TBC1D12: variants seen among roughly 807,000 people sequenced by gnomAD.
TBC1D12 encodes TBC1 domain family, member 12.
In TBC1D12, 56 loss-of-function variants were observed where a neutral mutation model predicts 86.7. That is an observed-to-expected ratio of 0.65 (90% CI 0.52 to 0.81). The LOEUF is 0.81. Among genes scored for constraint, TBC1D12 ranks in the 30% least tolerant of loss-of-function variants. The pLI is 0.00. For synonymous variants in TBC1D12, 421 were observed against 411.7 expected (o/e 1.02, Z -0.27); for missense variants, 1,023 against 1,038.8 (o/e 0.98, Z 0.21).
intron 9 of TBC1D12, among the ~76,000 whole-genome samples, chr10:94,517,725 G>C (rs1842036274): frequency 6.6e-6 from 1 of 152,134 alleles, no homozygotes; most frequent in South Asian, 2.1e-4. Context: ...GTCATGATTT[G>C]ACAAAATACG....
intron 3 of TBC1D12, among the ~76,000 whole-genome samples, chr10:94,490,409 A>G: frequency 6.6e-6 from 1 of 152,220 alleles, no homozygotes; most frequent in Non-Finnish European, 1.5e-5. Flanking sequence ...TATTTGCAAA[A>G]TGTAATAAAG....
At chr10:94,424,968 T>C (rs2134067375) in intron 1 of TBC1D12, among the ~76,000 whole-genome samples, 1 of 152,130 alleles carries the variant, frequency 6.6e-6, no homozygotes, top group Non-Finnish European at 1.5e-5. Flanking sequence ...CAACAGGAGG[T>C]CCACCTTGAG....
At chr10:94,422,475 A>G (rs1304011531) in intron 1 of TBC1D12, among the ~76,000 whole-genome samples, 1 of 152,160 alleles carries the variant, frequency 6.6e-6, no homozygotes, top group Non-Finnish European at 1.5e-5. Flanking sequence ...GGCGTGAGCC[A>G]CCACGCCCGG....
intron 5 of TBC1D12, among the ~76,000 whole-genome samples, chr10:94,498,109 G>A (rs564423234): frequency 1.3e-5 from 2 of 152,058 alleles, no homozygotes; most frequent in Non-Finnish European, 2.9e-5. Context: ...GTGAGCCACC[G>A]TGCCCGGCCT....
At chr10:94,426,702 G>A (rs545360008) in intron 1 of TBC1D12, among the ~76,000 whole-genome samples, 8 of 152,010 alleles carry the variant, frequency 5.3e-5, no homozygotes, top group African/African-American at 9.6e-5. Context: ...TCAGCCTCCC[G>A]AGTAGCTGGG....
intron 11 of TBC1D12, among the ~76,000 whole-genome samples, chr10:94,529,020 T>A (rs1047232966): frequency 2.0e-5 from 3 of 151,928 alleles, no homozygotes; most frequent in Non-Finnish European, 4.4e-5. Context: ...TTTTTTTTTT[T>A]AATTTTTTTG....
At chr10:94,417,575 C>A (rs748081453) in intron 1 of TBC1D12, among the ~76,000 whole-genome samples, 1 of 152,016 alleles carries the variant, frequency 6.6e-6, no homozygotes, top group Non-Finnish European at 1.5e-5. Flanking sequence ...AGGAAAAACC[C>A]TGGAGGTGTA....
At chr10:94,519,933 T>C (rs144646723) in intron 9 of TBC1D12, among the ~76,000 whole-genome samples, 94 of 152,296 alleles carry the variant, frequency 6.2e-4, no homozygotes, top group Non-Finnish European at 1.1e-3. Flanking sequence ...CAGCAACATA[T>C]TCATAGCTTC....
At chr10:94,496,736 A>G (rs2056326169) in intron 4 of TBC1D12, among the ~76,000 whole-genome samples, 1 of 152,194 alleles carries the variant, frequency 6.6e-6, no homozygotes, top group Admixed American at 6.5e-5. Flanking sequence ...GGTGGCACAC[A>G]TGTGTAGTCC....
In TBC1D12 at chr10:94,471,482, G is replaced by A. The variant is rs1315727081; in HGVS notation, c.1096-3186G>A. Among the ~76,000 whole-genome samples the A allele has an allele frequency of 2.0e-5, 3 of 152,172 alleles. No homozygotes were observed. In the East Asian group the frequency reaches 5.8e-4, roughly 29 times the overall value. Reference sequence around the variant, plus strand: ...GTCCAAATATTTTAGCCAGTGAAAGGCCCTGTAATTTAACCCACACCTTTC... The same window carrying A: ...GTCCAAATATTTTAGCCAGTGAAAGACCCTGTAATTTAACCCACACCTTTC... On this transcript the variant is annotated intron_variant, in intron 2 of 12. Coordinates refer to ENST00000225235, the MANE Select transcript of TBC1D12 (RefSeq NM_015188.2).
At chr10:94,500,650 A>G (rs558870651) in intron 6 of TBC1D12, among the ~76,000 whole-genome samples, 2 of 152,360 alleles carry the variant, frequency 1.3e-5, no homozygotes, top group South Asian at 4.1e-4. Flanking sequence ...AAAATAGTCA[A>G]TTATGAAAAG....
intron 1 of TBC1D12, among the ~76,000 whole-genome samples, chr10:94,439,050 C>T (rs1024908605): frequency 1.3e-5 from 2 of 151,938 alleles, no homozygotes; most frequent in Non-Finnish European, 2.9e-5. Flanking sequence ...GTGATCCACC[C>T]GCCTCAGCCT....
In TBC1D12 at chr10:94,403,051, T is replaced by A; in HGVS notation, c.438T>A (p.Cys146Ter). Residue 146 changes from cysteine (C) to a stop codon, truncating the protein, a stop_gained, in exon 1 of 13, where the codon TGT becomes TGA. Transcript: ENST00000225235. LOFTEE classifies it high-confidence loss of function. ...GDSGFLPGRDCRDLEEARGLA... is the reference protein window; with the variant it reads ...GDSGFLPGRD ...CGGGTTTTCTGCCGGGCCGGGACTG[T>A]CGCGATCTGGAAGAGGCTCGCGGGC... 1 of 1,552,348 alleles carries A rather than the reference T, an allele frequency of 6.4e-7. No individual in the cohort carries two copies. The highest frequency in any genetic ancestry group is 8.7e-7 in the Non-Finnish European group (1 of 1,154,444).
chr10:94,493,326 T>G, intron 3 of TBC1D12, 39 bp from the exon 4 acceptor site: 1 of 1,507,196 alleles, frequency 6.6e-7, no homozygotes, highest in Non-Finnish European at 9.1e-7. Flanking sequence ...AAGTTAATCT[T>G]TTAAAAATTG....
intron 3 of TBC1D12, among the ~76,000 whole-genome samples, chr10:94,490,388 A>G (rs1413782870): frequency 6.6e-6 from 1 of 152,234 alleles, no homozygotes; most frequent in Non-Finnish European, 1.5e-5. Flanking sequence ...TTCAATATGT[A>G]AAAAATGCAA....
intron 2 of TBC1D12, among the ~76,000 whole-genome samples, chr10:94,459,197 G>A (rs1477079277): frequency 6.6e-6 from 1 of 152,156 alleles, no homozygotes; most frequent in Non-Finnish European, 1.5e-5. Context: ...GTGCTGATTG[G>A]TGCATTTACA....
intron 3 of TBC1D12, among the ~76,000 whole-genome samples, chr10:94,490,825 C>T (rs943557729): frequency 6.6e-6 from 1 of 152,070 alleles, no homozygotes; most frequent in African/African-American, 2.4e-5. Context: ...GGCCTTTCCA[C>T]TCTGGCTGGT....
At chr10:94,516,004 A>G (rs2056587223) in intron 9 of TBC1D12, among the ~76,000 whole-genome samples, 1 of 152,222 alleles carries the variant, frequency 6.6e-6, no homozygotes, top group South Asian at 2.1e-4. Context: ...TTAGAACAGC[A>G]TGCAATTTAA....
chr10:94,493,109 A>G (rs556601081), intron 3 of TBC1D12, among the ~76,000 whole-genome samples: 1 of 151,460 alleles, frequency 6.6e-6, no homozygotes, highest in East Asian at 2.0e-4. Context: ...TTAATCTGAA[A>G]TGTTTAAATA....
Sources: allele counts gnomAD v4.1 joint callset (sites outside exome capture counted in the v4.1 genomes callset), GRCh38; gene constraint gnomAD v4.1.1; transcripts MANE v1.5; gene names NCBI Gene and HGNC (gene_info 2026-07-23, HGNC 2026-07-21).